The following ARHGEF40 variants were observed in gnomAD, a reference collection of about 807,000 sequenced individuals.
ARHGEF40 encodes Rho guanine nucleotide exchange factor 40.
Under a neutral mutation model 165.9 loss-of-function variants are expected in ARHGEF40, and 98 were observed. That is an observed-to-expected ratio of 0.59 (90% CI 0.50 to 0.70). The LOEUF is 0.70. Among genes scored for constraint, ARHGEF40 ranks in the 30% least tolerant of loss-of-function variants. The pLI, the probability that ARHGEF40 is intolerant of heterozygous loss-of-function variation, is 0.00. For synonymous variants in ARHGEF40, 792 were observed against 814.3 expected, an observed-to-expected ratio of 0.97 and a Z score of 0.47; for missense variants, 1,815 against 1,968.0, an observed-to-expected ratio of 0.92 and a Z score of 1.47.
In ARHGEF40 at chr14:21,081,045, C is replaced by T. The variant is rs775662475; in HGVS notation, c.2640+29C>T. ...CATGCAGAGCCTTTTCCTTCTGTGC[C>T]CCCCCATTTCCATTTATTCACTTCC... On this transcript the variant is annotated intron_variant, in intron 13 of 23. Transcript: ENST00000298694. 21 of 1,568,012 alleles carry T rather than the reference C, an allele frequency of 1.3e-5. 1 individual carries two copies. The African/African-American group carries it at 1.4e-4, about 10-fold the overall frequency.
At chr14:21,077,250 A>G (rs890300257) in intron 8 of ARHGEF40, among the ~76,000 whole-genome samples, 27 of 149,908 alleles carry the variant, frequency 1.8e-4, no homozygotes, top group Non-Finnish European at 3.5e-4. Flanking sequence ...GGCTACAGGC[A>G]TGTGCCACCA....
chr14:21,087,161 G>T, intron 20 of ARHGEF40, 56 bp downstream of exon 20: 3 of 1,596,264 alleles, frequency 1.9e-6, no homozygotes, highest in Middle Eastern at 3.6e-4. Flanking sequence ...TGACAATGAG[G>T]ATACAAAGGG....
chr14:21,083,878 A>G lies in ARHGEF40; in HGVS notation c.3617A>G (p.Gln1206Arg), dbSNP rs779442317. Reference protein sequence around the residue: ...AGPYLPRALQQPLEQLTRYGR... With the variant: ...AGPYLPRALQRPLEQLTRYGR... The stretch of plus-strand genomic sequence containing the variant: ...CCTTACCTGCCCCGAGCCCTGCAGC[A>G]GCCTCTGGAACAGCTGACTCGGTAT... The change falls in exon 17 of 24, where the codon CAG (glutamine) becomes CGG (arginine). Residue 1206 changes from glutamine (Q) to arginine (R), a missense_variant. By Grantham distance (43) the Gln-to-Arg change is conservative. Coordinates refer to ENST00000298694, the MANE Select transcript of ARHGEF40 (RefSeq NM_018071.5). The G allele has an allele frequency of 1.7e-5, 27 of 1,613,750 alleles. No individual in the cohort carries two copies. The highest frequency in any genetic ancestry group is 1.9e-5 in the Non-Finnish European group (23 of 1,180,024).
At chr14:21,085,057 G>A (rs1888232184) in intron 18 of ARHGEF40, 134 bp downstream of exon 18, 4 of 1,165,818 alleles carry the variant, frequency 3.4e-6, no homozygotes, top group Non-Finnish European at 3.6e-6. Flanking sequence ...GCTTGTAATC[G>A]ACTATCGAGT....
At chr14:21,080,523 C>T in intron 11 of ARHGEF40, 137 bp from the exon 12 acceptor site, 1 of 979,802 alleles carries the variant, frequency 1.0e-6, no homozygotes, top group Non-Finnish European at 1.5e-6. Flanking sequence ...TCACTGTTGT[C>T]ATTCCCACAT....
intron 8 of ARHGEF40, 23 bp downstream of exon 8, chr14:21,076,913 A>T (rs752848889): frequency 6.3e-7 from 1 of 1,586,958 alleles, no homozygotes; most frequent in South Asian, 1.1e-5. Flanking sequence ...TCTACCACCT[A>T]GCATGCTGGG....
In ARHGEF40 at chr14:21,070,352, CCCCG is replaced by C. The variant is rs1173413951; in HGVS notation, c.-36_-33del. ...GGGAGGGAGGCGGTGGCGCGCCCGG[CCCCG>C]CCCGCCCGACCAAGCGTCGGACGCG... On this transcript the variant is annotated 5_prime_UTR_variant, in exon 1 of 24. Transcript: ENST00000298694. This position sits in a 1 kb window ranked among gnomAD's most constrained non-coding sequence, Gnocchi z 4.7. The C allele has an allele frequency of 7.1e-7, 1 of 1,405,116 alleles. No homozygotes were observed. Among genetic ancestry groups the C allele is most frequent in the Non-Finnish European group, 9.2e-7 (1 of 1,085,792 alleles). 87.0% of individuals were successfully genotyped at this position (1,405,116 alleles called of 1,614,324 possible).
intron 23 of ARHGEF40, 57 bp downstream of exon 23, chr14:21,088,933 C>A: frequency 6.5e-7 from 1 of 1,548,064 alleles, no homozygotes; most frequent in Non-Finnish European, 8.9e-7. Flanking sequence ...CTTGCATGTA[C>A]CTTCCTTCCT....
In ARHGEF40 at chr14:21,083,988, C is replaced by T. The variant is rs747801622; in HGVS notation, c.3727C>T (p.Leu1243Phe). The change falls in exon 17 of 24, where the codon CTC (leucine) becomes TTC (phenylalanine). Residue 1243 changes from leucine (L) to phenylalanine (F), a missense_variant. Physicochemically the swap from Leu to Phe is conservative, Grantham distance 22. Transcript: ENST00000298694. ...GGCCCTTGGGGCTGCTGTACAGCTG[C>T]TCCGGGAACAAGAGGCCCGTGGCAG... Reference protein sequence around the residue: ...CRALGAAVQLLREQEARGRDL... With the variant: ...CRALGAAVQLFREQEARGRDL... 1 of 1,613,322 alleles carries T rather than the reference C, an allele frequency of 6.2e-7. No individual in the cohort carries two copies. Among genetic ancestry groups the T allele is most frequent in the South Asian group, 1.1e-5 (1 of 90,952 alleles).
chr14:21,067,891 A>T (rs190869819), upstream of ARHGEF40, among the ~76,000 whole-genome samples: 236 of 152,086 alleles, frequency 1.6e-3, no homozygotes, highest in African/African-American at 5.4e-3. Context: ...CACAGATTTT[A>T]AAACTCCTGG....
Position 21,087,383 on chromosome 14 carries a change from G to C in ARHGEF40, c.4307G>C (p.Gly1436Ala). The C allele has an allele frequency of 6.2e-7, 1 of 1,603,834 alleles. No homozygotes were observed. Among genetic ancestry groups the C allele is most frequent in the Non-Finnish European group, 8.5e-7 (1 of 1,179,860 alleles). Reference protein sequence around the residue: ...SFEHAGPSLPGLSPGACSLPA... With the variant: ...SFEHAGPSLPALSPGACSLPA... ...GAGCATGCCGGCCCCTCCCTTCCCGGCCTTTCGCCGGGAGCCTGCTCCCTG... is the reference window on the plus strand; with the variant it reads ...GAGCATGCCGGCCCCTCCCTTCCCGCCCTTTCGCCGGGAGCCTGCTCCCTG... Residue 1436 changes from glycine (G) to alanine (A), a missense_variant, in exon 21 of 24, where the codon GGC becomes GCC. By Grantham distance (60) the Gly-to-Ala change is moderately conservative (BLOSUM62 0). Coordinates refer to ENST00000298694, the MANE Select transcript of ARHGEF40 (RefSeq NM_018071.5).
rs1262617512 is a variant in ARHGEF40, at chr14:21,070,557, T to C, written c.3+158T>C. Among the ~76,000 whole-genome samples the C allele has an allele frequency of 6.6e-6, 1 of 152,010 alleles. No homozygotes were observed. The highest frequency in any genetic ancestry group is 1.5e-5 in the Non-Finnish European group (1 of 67,986). Reference sequence around the variant, plus strand: ...CATCCCCCCTTCTTCGATTTGTCTGTCTGCCCGACTGTTTAGCTCTGTCCC... The same window carrying C: ...CATCCCCCCTTCTTCGATTTGTCTGCCTGCCCGACTGTTTAGCTCTGTCCC... On this transcript the variant is annotated intron_variant, in intron 1 of 23. Transcript: ENST00000298694. This position sits in a 1 kb window ranked among gnomAD's most constrained non-coding sequence, Gnocchi z 4.7.
chr14:21,065,988 A>G (rs1044615127), upstream of ARHGEF40, among the ~76,000 whole-genome samples: 3 of 152,188 alleles, frequency 2.0e-5, no homozygotes, highest in Non-Finnish European at 4.4e-5. Context: ...AAACCCAACT[A>G]CTTGGGAAGC....
chr14:21,086,870 G>A, intron 19 of ARHGEF40, 131 bp from the exon 20 acceptor site: 1 of 694,776 alleles, frequency 1.4e-6, no homozygotes, highest in Non-Finnish European at 2.4e-6. Flanking sequence ...AGAGACATCA[G>A]AGGAATGAAA....
intron 15 of ARHGEF40, among the ~76,000 whole-genome samples, 154 bp from the exon 16 acceptor site, chr14:21,082,677 C>T (rs967042199): frequency 6.6e-6 from 1 of 152,248 alleles, no homozygotes; most frequent in Admixed American, 6.5e-5. Flanking sequence ...GGACTATGCT[C>T]TCTCCACAGG....
Position 21,070,335 on chromosome 14 carries a change from G to T in ARHGEF40, c.-62G>T. 7.2e-7 allele frequency: 1 copy of T among 1,398,084 alleles called. No homozygotes were observed. 86.6% of individuals were successfully genotyped at this position (1,398,084 alleles called of 1,614,324 possible). On this transcript the variant is annotated 5_prime_UTR_variant, in exon 1 of 24. It adds an upstream start codon to the 5' untranslated region. Coordinates refer to ENST00000298694, the MANE Select transcript of ARHGEF40 (RefSeq NM_018071.5). The surrounding 1 kb of genome is among the most constrained non-coding windows in gnomAD (Gnocchi z 4.7). ...GGCGAGACACGAGCGGCGGGAGGGAGGCGGTGGCGCGCCCGGCCCCGCCCG... is the reference window on the plus strand; with the variant it reads ...GGCGAGACACGAGCGGCGGGAGGGATGCGGTGGCGCGCCCGGCCCCGCCCG...
chr14:21,074,788 G>C lies in ARHGEF40; in HGVS notation c.1058G>C (p.Gly353Ala). 6.2e-7 allele frequency: 1 copy of C among 1,609,554 alleles called. No individual in the cohort carries two copies. Among genetic ancestry groups the C allele is most frequent in the Non-Finnish European group, 8.5e-7 (1 of 1,178,258 alleles). ...TCCGGATCTTGCCCCCTGAGGCCAG[G>C]GGAGCTTAGAGGAGGAGGAGGAGGA... ...EASGSCPLRP[G>A]ELRGGGGGGQ... The change falls in exon 3 of 24, where the codon GGG (glycine) becomes GCG (alanine). Residue 353 changes from glycine (G) to alanine (A), a missense_variant. Physicochemically the swap from Gly to Ala is moderately conservative, Grantham distance 60 (BLOSUM62 0). Transcript: ENST00000298694. The surrounding 1 kb of genome is among the most constrained non-coding windows in gnomAD (Gnocchi z 4.8).
chr14:21,078,168 G>C lies in ARHGEF40; in HGVS notation c.2035-9G>C. The C allele has an allele frequency of 6.2e-7, 1 of 1,608,930 alleles. No homozygotes were observed. On this transcript the variant is annotated splice_polypyrimidine_tract_variant and intron_variant, in intron 8 of 23. Coordinates refer to ENST00000298694, the MANE Select transcript of ARHGEF40 (RefSeq NM_018071.5). Reference sequence around the variant, plus strand: ...GATCCTCAACTCCATCCCTGCATGTGGGTTTCAGGAAGTGGTAAGGCTATG... The same window carrying C: ...GATCCTCAACTCCATCCCTGCATGTCGGTTTCAGGAAGTGGTAAGGCTATG...
chr14:21,063,024 G>A, the ARHGEF40 span, among the ~76,000 whole-genome samples: 1 of 151,936 alleles, frequency 6.6e-6, no homozygotes, highest in Non-Finnish European at 1.5e-5. Context: ...CAGCTACTGG[G>A]GATGCTGAAG....
Sources: gnomAD v4.1 joint callset for allele counts (sites outside exome capture counted in the v4.1 genomes callset) on GRCh38, gnomAD v4.1.1 for gene constraint, Gnocchi (gnomAD v3.1) non-coding constraint, MANE v1.5 for transcripts, NCBI Gene and HGNC (gene_info 2026-07-23, HGNC 2026-07-21) for gene names.